Variants in IL19 observed in about 807,000 individuals in gnomAD.
IL19 encodes the protein interleukin-19.
A neutral mutation model predicts 19.5 loss-of-function variants in IL19; 15 were observed. That is an observed-to-expected ratio of 0.77 (90% CI 0.52 to 1.19). IL19 has a LOEUF of 1.19. Among genes scored for constraint, IL19 ranks in the 50% most tolerant of loss-of-function variants. IL19 has a pLI of 0.00. For synonymous variants in IL19, 78 were observed against 78.3 expected (o/e 1.00, Z 0.02); for missense variants, 199 against 213.1 (o/e 0.93, Z 0.41).
Position 206,797,890 on chromosome 1 carries a change from T to C in IL19, c.-148-971T>C, listed in dbSNP as rs115669325. Among the ~76,000 whole-genome samples, 1,209 of 152,308 alleles carry C rather than the reference T, an allele frequency of 7.9e-3. 5 individuals are homozygous for C. The highest frequency in any genetic ancestry group is 0.012 in the Non-Finnish European group (808 of 68,022). On this transcript the variant is annotated intron_variant, in intron 1 of 6. Coordinates refer to ENST00000659997, the MANE Select transcript of IL19 (RefSeq NM_153758.5). ...AAGCAATTTCTGAAGAGGGTTAAGATAAAAACCTTAGATGTCATCCAACCT... is the reference window on the plus strand; with the variant it reads ...AAGCAATTTCTGAAGAGGGTTAAGACAAAAACCTTAGATGTCATCCAACCT...
At chr1:206,777,013 C>T (rs1356483516) in intron 1 of IL19, among the ~76,000 whole-genome samples, 1 of 150,960 alleles carries the variant, frequency 6.6e-6, no homozygotes, top group Non-Finnish European at 1.5e-5. Flanking sequence ...GGACGGATCA[C>T]GAGGTCAGGA....
chr1:206,789,897 G>A (rs991108122), intron 1 of IL19, among the ~76,000 whole-genome samples: 2 of 152,158 alleles, frequency 1.3e-5, no homozygotes, highest in African/African-American at 4.8e-5. Context: ...TCCCTGCAAA[G>A]GATATGATCT....
At chr1:206,838,730 C>T (rs1418889197) in intron 4 of IL19, among the ~76,000 whole-genome samples, 9 of 140,800 alleles carry the variant, frequency 6.4e-5, no homozygotes, top group Admixed American at 2.2e-4. Flanking sequence ...AGGTTCCTTC[C>T]CTTCCTTTCC....
chr1:206,829,325 A>G (rs1676526578), intron 2 of IL19, among the ~76,000 whole-genome samples: 1 of 152,172 alleles, frequency 6.6e-6, no homozygotes, highest in Non-Finnish European at 1.5e-5. Context: ...GCGGGAATAT[A>G]AAAAAGGAAA....
chr1:206,774,655 A>G (rs45493296), intron 1 of IL19, among the ~76,000 whole-genome samples: 107 of 152,284 alleles, frequency 7.0e-4, no homozygotes, highest in South Asian at 1.9e-3. Context: ...CGTGGTTATC[A>G]TTCATGTACA....
At chr1:206,800,355 CAGT>C (rs1317043790) in intron 2 of IL19, among the ~76,000 whole-genome samples, 1 of 152,088 alleles carries the variant, frequency 6.6e-6, no homozygotes, top group Non-Finnish European at 1.5e-5. Context: ...TGGGGCAGGG[CAGT>C]GGTGGTGGGG....
chr1:206,787,916 T>G (rs1275406482), intron 1 of IL19, among the ~76,000 whole-genome samples: 1 of 152,186 alleles, frequency 6.6e-6, no homozygotes, highest in African/African-American at 2.4e-5. Context: ...CACCATGTGG[T>G]GCAGCCCCAT....
chr1:206,812,906 T>C, intron 2 of IL19, among the ~76,000 whole-genome samples: 1 of 152,360 alleles, frequency 6.6e-6, no homozygotes, highest in Admixed American at 6.5e-5. Context: ...AGAAAACATA[T>C]TCAGATGGGA....
intron 1 of IL19, among the ~76,000 whole-genome samples, chr1:206,788,356 A>G (rs1050381094): frequency 5.3e-5 from 8 of 152,190 alleles, no homozygotes; most frequent in African/African-American, 1.9e-4. Flanking sequence ...TACTATATAC[A>G]AGACACTTCA....
At chr1:206,774,882 A>G (rs1335608301) in intron 1 of IL19, among the ~76,000 whole-genome samples, 1 of 152,134 alleles carries the variant, frequency 6.6e-6, no homozygotes, top group African/African-American at 2.4e-5. Context: ...AGAGTGACTC[A>G]GGGATGCAGG....
At chr1:206,780,693 T>C (rs1675109847) in intron 1 of IL19, among the ~76,000 whole-genome samples, 1 of 152,240 alleles carries the variant, frequency 6.6e-6, no homozygotes, top group Non-Finnish European at 1.5e-5. Flanking sequence ...AAGAAGACTT[T>C]CCCAGGTCCT....
intron 2 of IL19, among the ~76,000 whole-genome samples, chr1:206,816,983 G>C (rs991289661): frequency 1.1e-4 from 16 of 152,246 alleles, no homozygotes; most frequent in Admixed American, 4.6e-4. Flanking sequence ...CAAAGAGTAA[G>C]AAACCAGTAA....
intron 2 of IL19, among the ~76,000 whole-genome samples, chr1:206,814,332 GC>G (rs2102469767): frequency 6.6e-6 from 1 of 151,876 alleles, no homozygotes; most frequent in East Asian, 1.9e-4. Flanking sequence ...TAGAAGAGCA[GC>G]AAGAGAAAAT....
At chr1:206,771,599 G>T (rs1572539555) in intron 1 of IL19, among the ~76,000 whole-genome samples, 2 of 152,184 alleles carry the variant, frequency 1.3e-5, no homozygotes, top group East Asian at 3.9e-4. Context: ...ACTTAAATCA[G>T]GTCCTCCTCC....
At chr1:206,838,627 C>A (rs1311840219) in intron 4 of IL19, among the ~76,000 whole-genome samples, 2 of 152,016 alleles carry the variant, frequency 1.3e-5, no homozygotes, top group Non-Finnish European at 2.9e-5. Context: ...TAGGAACAGA[C>A]CCCCAAATAT....
At chr1:206,827,788 G>C (rs1676476771) in intron 2 of IL19, among the ~76,000 whole-genome samples, 1 of 152,204 alleles carries the variant, frequency 6.6e-6, no homozygotes, top group Non-Finnish European at 1.5e-5. Flanking sequence ...GGGTGGGCCA[G>C]ATGCTCTTTC....
chr1:206,840,047 C>A, intron 5 of IL19, 45 bp downstream of exon 5: 1 of 1,609,876 alleles, frequency 6.2e-7, no homozygotes, highest in South Asian at 1.1e-5. Context: ...CCTGTCTGCC[C>A]AAGGAGAGGC....
At chr1:206,779,838 C>T (rs748756040) in intron 1 of IL19, among the ~76,000 whole-genome samples, 49 of 151,336 alleles carry the variant, frequency 3.2e-4, no homozygotes, top group Non-Finnish European at 4.9e-4. Flanking sequence ...TCAAATGATC[C>T]GCATGCTCTC....
At chr1:206,780,456 A>C (rs1165169744) in intron 1 of IL19, among the ~76,000 whole-genome samples, 1 of 152,234 alleles carries the variant, frequency 6.6e-6, no homozygotes, top group Non-Finnish European at 1.5e-5. Context: ...TAGAGAATGG[A>C]TTCATCTGAA....
Sources: gnomAD v4.1 joint callset for allele counts (sites outside exome capture counted in the v4.1 genomes callset) on GRCh38, gnomAD v4.1.1 for gene constraint, MANE v1.5 for transcripts, NCBI Gene and HGNC (gene_info 2026-07-23, HGNC 2026-07-21) for gene names.